The following CNTN6 variants were observed in gnomAD, a reference collection of about 807,000 sequenced individuals.
The protein encoded by CNTN6 is contactin-6.
CNTN6 carries 137 observed loss-of-function variants against 122.8 expected under a neutral mutation model. The observed-to-expected ratio is 1.12, with a 90% confidence interval of 0.97 to 1.29. The LOEUF (loss-of-function observed/expected upper bound fraction) is 1.29, where lower values mean the gene tolerates loss of function less well. Among genes scored for constraint, CNTN6 ranks in the 50% most tolerant of loss-of-function variants. The pLI, the probability that CNTN6 is intolerant of heterozygous loss-of-function variation, is 0.00. For missense variants in CNTN6, 1,634 were observed against 1,223.4 expected, an observed-to-expected ratio of 1.34 and a Z score of -5.01; for synonymous variants, 570 against 426.0, an observed-to-expected ratio of 1.34 and a Z score of -4.16.
rs117772730 is a variant in CNTN6 at position 1,248,922 on chromosome 3, G to A, written c.358+20929G>A. Reference sequence around the variant, plus strand: ...TGCCAGACATTCTGACATCTTAACCGCTTCCTTAATCATTCAACTAATGCT... The same window carrying A: ...TGCCAGACATTCTGACATCTTAACCACTTCCTTAATCATTCAACTAATGCT... On this transcript the variant is annotated intron_variant, in intron 4 of 22. Coordinates refer to ENST00000446702, the MANE Select transcript of CNTN6 (RefSeq NM_001289080.2). 3.9e-3 allele frequency among the ~76,000 whole-genome samples: 590 copies of A among 152,118 alleles called. 10 individuals carry two copies. Among genetic ancestry groups the A allele is most frequent in the East Asian group, 0.024 (123 of 5,174 alleles).
At chr3:1,254,846 C>A (rs2094726699) in intron 4 of CNTN6, among the ~76,000 whole-genome samples, 1 of 151,918 alleles carries the variant, frequency 6.6e-6, no homozygotes, top group South Asian at 2.1e-4. Flanking sequence ...TGAAACAAAG[C>A]ATGAAAAAAA....
intron 11 of CNTN6, among the ~76,000 whole-genome samples, chr3:1,336,643 T>G (rs1468303385): frequency 6.6e-6 from 1 of 152,150 alleles, no homozygotes; most frequent in Non-Finnish European, 1.5e-5. Flanking sequence ...ATGCTACTGT[T>G]AAAACCTGTG....
At chr3:1,198,663 A>G (rs2093813861) in intron 2 of CNTN6, among the ~76,000 whole-genome samples, 1 of 151,924 alleles carries the variant, frequency 6.6e-6, no homozygotes, top group Admixed American at 6.6e-5. Flanking sequence ...TGGAGTTTGC[A>G]GTGAGCCAAG....
intron 4 of CNTN6, among the ~76,000 whole-genome samples, chr3:1,233,975 G>A (rs2094390702): frequency 6.6e-6 from 1 of 151,948 alleles, no homozygotes; most frequent in Non-Finnish European, 1.5e-5. Flanking sequence ...ATTTTAAAGG[G>A]CTATAAACAT....
chr3:1,274,019 T>C (rs940642959), intron 4 of CNTN6, among the ~76,000 whole-genome samples: 6 of 152,162 alleles, frequency 3.9e-5, no homozygotes, highest in African/African-American at 1.4e-4. Flanking sequence ...CATTACTCCT[T>C]TTTGACAGTG....
intron 1 of CNTN6, among the ~76,000 whole-genome samples, chr3:1,116,715 T>G (rs1351016769): frequency 6.7e-6 from 1 of 148,278 alleles, no homozygotes; most frequent in Non-Finnish European, 1.5e-5. Context: ...TTTTTTTTTT[T>G]TTTTTTTGAG....
chr3:1,262,430 G>T (rs576651090), intron 4 of CNTN6, among the ~76,000 whole-genome samples: 2 of 152,216 alleles, frequency 1.3e-5, no homozygotes, highest in Admixed American at 1.3e-4. Context: ...GAGAATAATT[G>T]GCAGGTGTGG....
intron 2 of CNTN6, among the ~76,000 whole-genome samples, chr3:1,181,086 G>A (rs933675349): frequency 6.6e-6 from 1 of 152,060 alleles, no homozygotes; most frequent in Non-Finnish European, 1.5e-5. Context: ...TTCGGCAAAG[G>A]CAACAGTCCC....
intron 4 of CNTN6, among the ~76,000 whole-genome samples, chr3:1,240,344 A>G (rs2094466842): frequency 6.6e-6 from 1 of 152,218 alleles, no homozygotes; most frequent in South Asian, 2.1e-4. Context: ...AAACAATCCC[A>G]TTAAAAAGTG....
At chr3:1,220,649 A>G (rs374780235) in intron 2 of CNTN6, 38 bp from the exon 3 acceptor site, 13 of 1,560,012 alleles carry the variant, frequency 8.3e-6, no homozygotes, top group African/African-American at 1.4e-5. Flanking sequence ...AAACAGGGCC[A>G]CTTTTTTTTC....
intron 5 of CNTN6, among the ~76,000 whole-genome samples, chr3:1,286,098 T>C (rs550801201): frequency 6.6e-6 from 1 of 152,250 alleles, no homozygotes; most frequent in Non-Finnish European, 1.5e-5. Context: ...AACTCTCCTG[T>C]TGCAGCCTGT....
At chr3:1,202,652 C>A (rs1354931829) in intron 2 of CNTN6, among the ~76,000 whole-genome samples, 1 of 152,102 alleles carries the variant, frequency 6.6e-6, no homozygotes, top group African/African-American at 2.4e-5. Context: ...TATTTGTCTT[C>A]AAACATTGAA....
At chr3:1,303,033 A>T (rs1283147511) in intron 7 of CNTN6, among the ~76,000 whole-genome samples, 2 of 152,060 alleles carry the variant, frequency 1.3e-5, no homozygotes, top group Admixed American at 6.6e-5. Flanking sequence ...TGTTCAGTCT[A>T]CTGGTGAGCC....
intron 2 of CNTN6, among the ~76,000 whole-genome samples, chr3:1,158,598 G>A (rs1233627742): frequency 1.3e-5 from 2 of 151,100 alleles, no homozygotes; most frequent in African/African-American, 4.9e-5. Flanking sequence ...CAGCGGGCAG[G>A]ATTTTCCTCT....
chr3:1,152,039 G>T (rs1214839663), intron 2 of CNTN6, among the ~76,000 whole-genome samples: 1 of 152,124 alleles, frequency 6.6e-6, no homozygotes, highest in Non-Finnish European at 1.5e-5. Context: ...AATAAACGGA[G>T]AAAAACTTAT....
chr3:1,179,034 T>C (rs926705598), intron 2 of CNTN6, among the ~76,000 whole-genome samples: 5 of 152,162 alleles, frequency 3.3e-5, no homozygotes, highest in African/African-American at 9.7e-5. Context: ...GGTGCCAACA[T>C]CTTCTGGTGA....
At chr3:1,179,133 A>T (rs1221160236) in intron 2 of CNTN6, among the ~76,000 whole-genome samples, 2 of 152,134 alleles carry the variant, frequency 1.3e-5, no homozygotes, top group East Asian at 3.9e-4. Context: ...TGACAGGGGG[A>T]AGGTATCAGG....
chr3:1,240,140 G>A (rs2094464271), intron 4 of CNTN6, among the ~76,000 whole-genome samples: 1 of 152,004 alleles, frequency 6.6e-6, no homozygotes, highest in Non-Finnish European at 1.5e-5. Context: ...AGAACACAAA[G>A]CAAACACAAC....
chr3:1,142,636 C>G (rs966162620), intron 1 of CNTN6, among the ~76,000 whole-genome samples: 2 of 152,004 alleles, frequency 1.3e-5, no homozygotes, highest in Non-Finnish European at 2.9e-5. Context: ...ATATTTTCAG[C>G]TTTGCAAGCC....
Sources: allele counts gnomAD v4.1 joint callset (sites outside exome capture counted in the v4.1 genomes callset), GRCh38; gene constraint gnomAD v4.1.1; transcripts MANE v1.5; gene names NCBI Gene and HGNC (gene_info 2026-07-23, HGNC 2026-07-21).